Variants in CNTN3 observed in about 807,000 individuals in gnomAD.
CNTN3 encodes contactin-3.
Under a neutral mutation model 119.1 loss-of-function variants are expected in CNTN3, and 60 were observed. The ratio of observed to expected loss-of-function variants is 0.50; its 90% CI spans 0.41 to 0.62. The LOEUF is 0.62. Among genes scored for constraint, CNTN3 ranks in the 20% least tolerant of loss-of-function variants. The pLI is 0.00. For missense variants in CNTN3, 1,101 were observed against 1,242.4 expected (o/e 0.89, Z 1.71); for synonymous variants, 450 against 438.7 (o/e 1.03, Z -0.32).
chr3:74,297,704 T>G (rs2106808641), intron 18 of CNTN3, among the ~76,000 whole-genome samples: 1 of 152,354 alleles, frequency 6.6e-6, no homozygotes, highest in Non-Finnish European at 1.5e-5. Context: ...AATTTCTTCC[T>G]TTTGGCCTAG....
chr3:74,499,604 A>G, intron 3 of CNTN3, 55 bp downstream of exon 3: 1 of 1,505,512 alleles, frequency 6.6e-7, no homozygotes, highest in South Asian at 1.4e-5. Flanking sequence ...ATTCACAATC[A>G]CCACATAAGT....
chr3:74,604,350 G>T (rs559526501), intron 1 of CNTN3, among the ~76,000 whole-genome samples: 1 of 152,016 alleles, frequency 6.6e-6, no homozygotes, highest in South Asian at 2.1e-4. Context: ...CACAGCCAAG[G>T]AAAGAATCAA....
At chr3:74,351,004 G>A (rs1703800312) in intron 11 of CNTN3, among the ~76,000 whole-genome samples, 1 of 152,040 alleles carries the variant, frequency 6.6e-6, no homozygotes, top group Admixed American at 6.6e-5. Context: ...TGGGTGATGG[G>A]TTCAATAGAG....
At chr3:74,546,629 G>C (rs1703919242) in intron 1 of CNTN3, among the ~76,000 whole-genome samples, 1 of 152,152 alleles carries the variant, frequency 6.6e-6, no homozygotes, top group Admixed American at 6.5e-5. Context: ...TGGACTCTTG[G>C]ACTCATACCA....
At chr3:74,265,327 G>A (rs367667004) in intron 22 of CNTN3, among the ~76,000 whole-genome samples, 2 of 152,114 alleles carry the variant, frequency 1.3e-5, no homozygotes, top group East Asian at 3.8e-4. Flanking sequence ...CAAAAGCCTA[G>A]AACATATTTC....
chr3:74,438,452 T>C (rs1053647787), intron 4 of CNTN3, among the ~76,000 whole-genome samples: 2 of 152,248 alleles, frequency 1.3e-5, no homozygotes, highest in Admixed American at 1.3e-4. Flanking sequence ...TGTTGCTCCC[T>C]TTCTCTAGGC....
At chr3:74,378,003 G>T (rs1332484811) in intron 5 of CNTN3, among the ~76,000 whole-genome samples, 1 of 152,186 alleles carries the variant, frequency 6.6e-6, no homozygotes, top group Admixed American at 6.5e-5. Context: ...CAAAATTGCA[G>T]TTAGGCAAAA....
intron 5 of CNTN3, among the ~76,000 whole-genome samples, chr3:74,421,797 G>T (rs1043682060): frequency 2.6e-5 from 4 of 152,098 alleles, no homozygotes; most frequent in Admixed American, 6.5e-5. Flanking sequence ...ATATACCCCG[G>T]AGTTACAGCT....
chr3:74,415,714 G>A (rs1701508569), intron 5 of CNTN3, among the ~76,000 whole-genome samples: 1 of 152,142 alleles, frequency 6.6e-6, no homozygotes, highest in African/African-American at 2.4e-5. Context: ...GAGCTGGGGA[G>A]CCTGCAGGCC....
chr3:74,611,828 A>G (rs1705086587), intron 1 of CNTN3, among the ~76,000 whole-genome samples: 1 of 152,232 alleles, frequency 6.6e-6, no homozygotes, highest in Non-Finnish European at 1.5e-5. Context: ...TACCTTGCTA[A>G]GATAAGAAGG....
intron 2 of CNTN3, among the ~76,000 whole-genome samples, chr3:74,503,670 C>T (rs1703203898): frequency 6.6e-6 from 1 of 152,156 alleles, no homozygotes; most frequent in African/African-American, 2.4e-5. Flanking sequence ...CACAGCTATT[C>T]ATAACCAGTA....
Position 74,471,124 on chromosome 3 carries a change from C to T in CNTN3, c.358+15332G>A, listed in dbSNP as rs1276494886. On this transcript the variant is annotated intron_variant, in intron 4 of 22. Coordinates refer to ENST00000263665, the MANE Select transcript of CNTN3 (RefSeq NM_020872.3). Reference sequence around the variant, plus strand: ...TCTCTTGACATTGTGATCCGCCAGCCTCAGCGGGATCCCAAAGTGCTGGGA... The same window carrying T: ...TCTCTTGACATTGTGATCCGCCAGCTTCAGCGGGATCCCAAAGTGCTGGGA... Among the ~76,000 whole-genome samples the T allele has an allele frequency of 2.0e-5, 3 of 152,058 alleles. No homozygotes were observed. The East Asian group carries it at 5.8e-4, about 29-fold the overall frequency.
chr3:74,504,667 C>T (rs527603060), intron 2 of CNTN3, among the ~76,000 whole-genome samples: 11 of 152,130 alleles, frequency 7.2e-5, no homozygotes, highest in Non-Finnish European at 1.6e-4. Flanking sequence ...CTGGCTGTGG[C>T]AGATGCTGCT....
chr3:74,450,082 G>A (rs1406049354), intron 4 of CNTN3, among the ~76,000 whole-genome samples: 1 of 152,108 alleles, frequency 6.6e-6, no homozygotes, highest in African/African-American at 2.4e-5. Context: ...GTCCTTTGCT[G>A]GGAGGCTAAT....
intron 13 of CNTN3, among the ~76,000 whole-genome samples, chr3:74,333,880 T>C (rs1164672011): frequency 1.3e-5 from 2 of 152,122 alleles, no homozygotes; most frequent in Non-Finnish European, 2.9e-5. Context: ...GTATGTGAAG[T>C]CCATAATTGA....
intron 5 of CNTN3, 149 bp from the exon 6 acceptor site, chr3:74,371,548 A>G (rs1704339656): frequency 1.6e-6 from 1 of 620,552 alleles, no homozygotes; most frequent in Non-Finnish European, 2.8e-6. Flanking sequence ...AGTTAAGTGA[A>G]ATAACTCTCA....
intron 3 of CNTN3, among the ~76,000 whole-genome samples, chr3:74,499,055 T>C (rs1338399777): frequency 8.1e-6 from 1 of 123,500 alleles, no homozygotes; most frequent in Non-Finnish European, 1.7e-5. Context: ...GTGGTGGGAG[T>C]ATGGATTTTT....
intron 5 of CNTN3, among the ~76,000 whole-genome samples, chr3:74,404,240 A>G (rs913884264): frequency 9.2e-5 from 14 of 152,126 alleles, no homozygotes; most frequent in Admixed American, 6.6e-5. Context: ...AAGTGCCAAG[A>G]GATCAGGAAT....
At chr3:74,604,531 T>C (rs950550337) in intron 1 of CNTN3, among the ~76,000 whole-genome samples, 6 of 152,048 alleles carry the variant, frequency 3.9e-5, no homozygotes, top group African/African-American at 7.2e-5. Context: ...AAAGAATACA[T>C]AGAAATAGCA....
Sources: gnomAD v4.1 joint callset for allele counts (sites outside exome capture counted in the v4.1 genomes callset) on GRCh38, gnomAD v4.1.1 for gene constraint, MANE v1.5 for transcripts, NCBI Gene and HGNC (gene_info 2026-07-23, HGNC 2026-07-21) for gene names.